The following DYSF variants were observed in gnomAD, a reference collection of about 807,000 sequenced individuals.
The protein encoded by DYSF is dystrophy-associated fer-1-like 1.
Under a neutral mutation model 274.9 loss-of-function variants are expected in DYSF, and 212 were observed. That is an observed-to-expected ratio of 0.77 (90% CI 0.69 to 0.86). The LOEUF (loss-of-function observed/expected upper bound fraction) is 0.86, where lower values mean the gene tolerates loss of function less well. Ranked by LOEUF, DYSF falls within the 40% of genes least tolerant of loss-of-function variation. The pLI is 0.00. For synonymous variants in DYSF, 1,091 were observed against 1,078.7 expected (o/e 1.01, Z -0.22); for missense variants, 2,666 against 2,783.2 (o/e 0.96, Z 0.95).
At position 71,571,085 on chromosome 2, in the gene DYSF, A is replaced by G. The variant is rs561649054; in HGVS notation, c.3228+344A>G. Among the ~76,000 whole-genome samples, 7 of 141,964 alleles carry G rather than the reference A, an allele frequency of 4.9e-5. No homozygotes were observed. The South Asian group carries it at 1.5e-3, about 30-fold the overall frequency. The allele number at this position is 141,964 out of a possible 152,430, so 93.1% of individuals were successfully genotyped here. Reference sequence around the variant, plus strand: ...CACACCCAGCACACAGATTACACCCAGCACACACACAGATCACACCCAGCA... The same window carrying G: ...CACACCCAGCACACAGATTACACCCGGCACACACACAGATCACACCCAGCA... On this transcript the variant is annotated intron_variant, in intron 29 of 55. Transcript: ENST00000410020.
intron 32 of DYSF, among the ~76,000 whole-genome samples, chr2:71,594,814 C>T (rs554244963): frequency 6.6e-6 from 1 of 152,158 alleles, no homozygotes; most frequent in East Asian, 1.9e-4. Flanking sequence ...TGCCAGCAGG[C>T]GACATCAGGT....
intron 42 of DYSF, among the ~76,000 whole-genome samples, chr2:71,650,216 C>G (rs1572958147): frequency 6.6e-6 from 1 of 152,146 alleles, no homozygotes; most frequent in African/African-American, 2.4e-5. Context: ...TGTGGTGGCT[C>G]AAGCCTGTAA....
intron 21 of DYSF, among the ~76,000 whole-genome samples, chr2:71,554,973 G>A (rs897468444): frequency 6.6e-6 from 1 of 152,150 alleles, no homozygotes; most frequent in African/African-American, 2.4e-5. Context: ...AGAGACATGT[G>A]CAGGCCCTAC....
intron 15 of DYSF, 85 bp from the exon 16 acceptor site, chr2:71,535,183 A>G: frequency 1.3e-6 from 2 of 1,595,568 alleles, no homozygotes; most frequent in Non-Finnish European, 1.7e-6. Flanking sequence ...TCCTGCCAGT[A>G]TCCCAGACTT....
intron 47 of DYSF, 119 bp downstream of exon 47, chr2:71,665,423 G>A (rs2152952001): frequency 1.5e-6 from 2 of 1,325,184 alleles, no homozygotes; most frequent in Non-Finnish European, 2.1e-6. Flanking sequence ...GCAGGCTGTG[G>A]GTCTCTCCAG....
At chr2:71,586,893 G>A (rs1171640026) in intron 30 of DYSF, among the ~76,000 whole-genome samples, 1 of 152,096 alleles carries the variant, frequency 6.6e-6, no homozygotes, top group Non-Finnish European at 1.5e-5. Flanking sequence ...TGAGGTAGAC[G>A]GACCACAGAG....
intron 42 of DYSF, 149 bp downstream of exon 42, chr2:71,644,212 G>C: frequency 1.3e-6 from 1 of 785,008 alleles, no homozygotes; most frequent in Non-Finnish European, 2.2e-6. Flanking sequence ...AGACCAGCTG[G>C]GTGAGAAAGC....
chr2:71,468,542 T>A (rs2081716403), intron 1 of DYSF, among the ~76,000 whole-genome samples: 1 of 152,154 alleles, frequency 6.6e-6, no homozygotes, highest in South Asian at 2.1e-4. Context: ...GCAGCTGCTA[T>A]CTCCCCCCAG....
chr2:71,543,558 C>A (rs1290384759), intron 17 of DYSF, among the ~76,000 whole-genome samples: 1 of 152,202 alleles, frequency 6.6e-6, no homozygotes, highest in East Asian at 1.9e-4. Flanking sequence ...CCACTGCACT[C>A]CAGCCTGGGC....
intron 1 of DYSF, among the ~76,000 whole-genome samples, chr2:71,470,840 G>A (rs1573317049): frequency 7.0e-6 from 1 of 142,088 alleles, no homozygotes; most frequent in South Asian, 2.3e-4. Context: ...TACCCAGGCT[G>A]GAGTGCAATG....
intron 40 of DYSF, among the ~76,000 whole-genome samples, chr2:71,614,774 A>G (rs1385369290): frequency 6.6e-6 from 1 of 152,184 alleles, no homozygotes; most frequent in African/African-American, 2.4e-5. Context: ...AGATGGGTGC[A>G]TGGGTTGATG....
At chr2:71,514,719 A>G (rs2086474046) in intron 7 of DYSF, among the ~76,000 whole-genome samples, 1 of 152,212 alleles carries the variant, frequency 6.6e-6, no homozygotes, top group African/African-American at 2.4e-5. Flanking sequence ...TTGCAAAAAT[A>G]TATTTCTATT....
At chr2:71,598,424 C>T in intron 32 of DYSF, 140 bp from the exon 33 acceptor site, 1 of 1,019,778 alleles carries the variant, frequency 9.8e-7, no homozygotes, top group Non-Finnish European at 1.5e-6. Flanking sequence ...AGGGAAGATG[C>T]ATCCCAGCAT....
intron 3 of DYSF, among the ~76,000 whole-genome samples, chr2:71,496,639 G>A (rs2084429316): frequency 6.6e-6 from 1 of 152,120 alleles, no homozygotes; most frequent in Admixed American, 6.5e-5. Flanking sequence ...AGTGTGACAG[G>A]CTGTGGAGGA....
intron 29 of DYSF, among the ~76,000 whole-genome samples, chr2:71,572,243 C>CA (rs1274709667): frequency 8.9e-5 from 3 of 33,820 alleles, no homozygotes; most frequent in Non-Finnish European, 2.5e-4. Context: ...GCACAGATCA[C>CA]ACCTAGCACA....
At chr2:71,457,092 G>T in intron 1 of DYSF, among the ~76,000 whole-genome samples, 1 of 152,202 alleles carries the variant, frequency 6.6e-6, no homozygotes, top group South Asian at 2.1e-4. Context: ...TTGTCAGGTG[G>T]TGTTTCTTGA....
At chr2:71,513,174 A>AG in intron 5 of DYSF, 66 bp from the exon 6 acceptor site, 1 of 1,444,010 alleles carries the variant, frequency 6.9e-7, no homozygotes, top group Non-Finnish European at 9.5e-7. Flanking sequence ...GAGGTGCAGT[A>AG]GGTTGGTTTC....
rs777216777 is a variant in DYSF at position 71,659,034 on chromosome 2, G to T, written c.4911+1G>T. 5 of 1,613,992 alleles carry T rather than the reference G, an allele frequency of 3.1e-6. No individual in the cohort carries two copies. Among genetic ancestry groups the T allele is most frequent in the Non-Finnish European group, 4.2e-6 (5 of 1,180,028 alleles). The stretch of plus-strand genomic sequence containing the variant: ...GCAGCCCAAGGACCCCAATGGAAAG[G>T]TAACTTTCCTAGAGCCCTCACCTCC... On this transcript the variant is annotated splice_donor_variant, in intron 44 of 55. Transcript: ENST00000410020. LOFTEE classifies it high-confidence loss of function.
chr2:71,567,890 C>T, intron 24 of DYSF, 61 bp from the exon 25 acceptor site: 1 of 1,600,692 alleles, frequency 6.2e-7, no homozygotes, highest in Non-Finnish European at 8.5e-7. Context: ...TCCCCAGCCT[C>T]TCACTGGGAC....
Sources: gnomAD v4.1 joint callset for allele counts (sites outside exome capture counted in the v4.1 genomes callset) on GRCh38, gnomAD v4.1.1 for gene constraint, MANE v1.5 for transcripts, NCBI Gene and HGNC (gene_info 2026-07-23, HGNC 2026-07-21) for gene names.